The following CTNNA3 variants were observed in gnomAD, a reference collection of about 807,000 sequenced individuals.
CTNNA3 encodes catenin alpha 3, also known as catenin alpha-3.
In CTNNA3, 76 loss-of-function variants were observed where a neutral mutation model predicts 95.7. The ratio of observed to expected loss-of-function variants is 0.79; its 90% CI spans 0.66 to 0.96. CTNNA3 has a LOEUF of 0.96. CTNNA3 is among the 40% of genes least tolerant of loss of function. The pLI, the probability that CTNNA3 is intolerant of heterozygous loss-of-function variation, is 0.00. For synonymous variants in CTNNA3, 431 were observed against 374.4 expected, an observed-to-expected ratio of 1.15 and a Z score of -1.74; for missense variants, 1,191 against 1,089.8, an observed-to-expected ratio of 1.09 and a Z score of -1.31.
chr10:66,150,263 T>C (rs1378137073), intron 13 of CTNNA3, among the ~76,000 whole-genome samples: 1 of 152,172 alleles, frequency 6.6e-6, no homozygotes, highest in East Asian at 1.9e-4. Flanking sequence ...CAAGCTCTCT[T>C]TGCCTGGCAC....
chr10:66,077,188 T>C (rs554071032), intron 14 of CTNNA3, among the ~76,000 whole-genome samples: 1 of 151,752 alleles, frequency 6.6e-6, no homozygotes, highest in Non-Finnish European at 1.5e-5. Flanking sequence ...CAAATTACTT[T>C]GATGTAGTTT....
chr10:66,968,191 A>G (rs1421488347), intron 7 of CTNNA3, among the ~76,000 whole-genome samples: 2 of 152,014 alleles, frequency 1.3e-5, no homozygotes, highest in African/African-American at 4.8e-5. Context: ...CATCTCTACC[A>G]TCATCAAATA....
At chr10:66,301,047 ACC>A (rs1353636493) in intron 12 of CTNNA3, among the ~76,000 whole-genome samples, 1 of 152,056 alleles carries the variant, frequency 6.6e-6, no homozygotes, top group East Asian at 1.9e-4. Flanking sequence ...ACCATGAACA[ACC>A]CTATACTCAC....
intron 7 of CTNNA3, among the ~76,000 whole-genome samples, chr10:67,015,100 A>G (rs896316480): frequency 2.6e-5 from 4 of 152,138 alleles, no homozygotes; most frequent in Non-Finnish European, 4.4e-5. Flanking sequence ...CTATTTCAAC[A>G]TTAGGTAGTA....
chr10:67,483,536 A>G (rs1030351554), intron 5 of CTNNA3, among the ~76,000 whole-genome samples: 2 of 151,500 alleles, frequency 1.3e-5, no homozygotes, highest in Non-Finnish European at 2.9e-5. Flanking sequence ...CAAACACCGC[A>G]TGTTCTCACT....
chr10:66,550,237 A>T (rs926921010), intron 10 of CTNNA3, among the ~76,000 whole-genome samples: 4 of 152,096 alleles, frequency 2.6e-5, no homozygotes, highest in Non-Finnish European at 2.9e-5. Context: ...TAACTGATAA[A>T]CTATCCCCTC....
chr10:67,382,080 A>T (rs1843971026), intron 5 of CTNNA3, among the ~76,000 whole-genome samples: 1 of 152,226 alleles, frequency 6.6e-6, no homozygotes, highest in African/African-American at 2.4e-5. Flanking sequence ...ATGAGAATTC[A>T]ATGTTAGTTT....
At chr10:67,094,287 T>C (rs1296037599) in intron 7 of CTNNA3, among the ~76,000 whole-genome samples, 1 of 151,882 alleles carries the variant, frequency 6.6e-6, no homozygotes, top group African/African-American at 2.4e-5. Flanking sequence ...ATATCCTACA[T>C]GGATATTCTA....
At chr10:66,565,312 G>A (rs755903022) in intron 10 of CTNNA3, among the ~76,000 whole-genome samples, 3 of 151,778 alleles carry the variant, frequency 2.0e-5, no homozygotes, top group African/African-American at 7.2e-5. Flanking sequence ...ATACATAAGA[G>A]ATGGAGAGAG....
intron 11 of CTNNA3, among the ~76,000 whole-genome samples, chr10:66,486,404 T>G (rs1839727026): frequency 6.6e-6 from 1 of 152,118 alleles, no homozygotes; most frequent in African/African-American, 2.4e-5. Flanking sequence ...GAATGGGCAT[T>G]TCTCAAAAGA....
At chr10:66,664,294 T>A (rs1228401658) in intron 9 of CTNNA3, among the ~76,000 whole-genome samples, 1 of 152,098 alleles carries the variant, frequency 6.6e-6, no homozygotes, top group African/African-American at 2.4e-5. Context: ...ATAGTTTTTT[T>A]AAAAAGTGTC....
At chr10:66,038,297 A>C (rs1414639473) in intron 15 of CTNNA3, among the ~76,000 whole-genome samples, 2 of 152,182 alleles carry the variant, frequency 1.3e-5, no homozygotes, top group African/African-American at 4.8e-5. Flanking sequence ...TCTCTGTAGG[A>C]GTAACTGAAC....
chr10:66,360,658 TC>T lies in CTNNA3; in HGVS notation c.1732+18493del, dbSNP rs2092652881. Among the ~76,000 whole-genome samples the T allele has an allele frequency of 1.8e-4, 9 of 48,906 alleles. 1 individual carries two copies. Among genetic ancestry groups the T allele is most frequent in the African/African-American group, 5.0e-4 (7 of 13,864 alleles). The allele number at this position is 48,906 out of a possible 152,430, so 32.1% of individuals were successfully genotyped here. ...TTCTTTCTTTCTTTCTTTCTTTCTT[TC>T]TTCCTTCCTTCCTTCCTTCCTTCCT... On this transcript the variant is annotated intron_variant, in intron 12 of 17. Coordinates refer to ENST00000433211, the MANE Select transcript of CTNNA3 (RefSeq NM_013266.4).
intron 11 of CTNNA3, among the ~76,000 whole-genome samples, chr10:66,461,024 G>A (rs2093525693): frequency 6.6e-6 from 1 of 152,084 alleles, no homozygotes. Context: ...AGTCTGCTTC[G>A]ATCTCTACTT....
intron 11 of CTNNA3, among the ~76,000 whole-genome samples, chr10:66,463,452 C>G (rs908915635): frequency 1.3e-5 from 2 of 152,104 alleles, no homozygotes; most frequent in Non-Finnish European, 2.9e-5. Context: ...CTAATTAAAC[C>G]TCTTTCTTTA....
chr10:67,396,144 G>C (rs977653318), intron 5 of CTNNA3, among the ~76,000 whole-genome samples: 15 of 152,078 alleles, frequency 9.9e-5, no homozygotes, highest in African/African-American at 3.6e-4. Flanking sequence ...CTATCTGAAA[G>C]CAAATAACAA....
intron 13 of CTNNA3, among the ~76,000 whole-genome samples, chr10:66,190,913 G>A (rs1327606261): frequency 6.6e-6 from 1 of 152,084 alleles, no homozygotes; most frequent in Non-Finnish European, 1.5e-5. Context: ...TGACCCCCTA[G>A]CGGATGACCT....
intron 1 of CTNNA3, among the ~76,000 whole-genome samples, chr10:67,731,642 A>T (rs894560351): frequency 7.9e-5 from 12 of 151,900 alleles, no homozygotes; most frequent in African/African-American, 2.7e-4. Context: ...CTCTACTAAA[A>T]ATACAAAAAG....
intron 15 of CTNNA3, among the ~76,000 whole-genome samples, chr10:66,007,167 C>A (rs990254220): frequency 6.6e-6 from 1 of 152,136 alleles, no homozygotes; most frequent in Non-Finnish European, 1.5e-5. Flanking sequence ...GTTAATGTGT[C>A]ATTTTTGCTG....
Sources: allele counts gnomAD v4.1 joint callset (sites outside exome capture counted in the v4.1 genomes callset), GRCh38; gene constraint gnomAD v4.1.1; transcripts MANE v1.5; gene names NCBI Gene and HGNC (gene_info 2026-07-23, HGNC 2026-07-21).